Variants in NCKAP5 observed in about 807,000 individuals in gnomAD.
The protein encoded by NCKAP5 is NCK associated protein 5, also known as nck-associated protein 5.
In NCKAP5, 92 loss-of-function variants were observed where a neutral mutation model predicts 167.0. The observed-to-expected ratio is 0.55, with a 90% CI of 0.47 to 0.66. The LOEUF is 0.66. Ranked by LOEUF, NCKAP5 falls within the 30% of genes least tolerant of loss-of-function variation. NCKAP5 has a pLI of 0.00. For missense variants in NCKAP5, 2,378 were observed against 2,315.0 expected, an observed-to-expected ratio of 1.03 and a Z score of -0.56; for synonymous variants, 891 against 877.4, an observed-to-expected ratio of 1.02 and a Z score of -0.27.
intron 8 of NCKAP5, among the ~76,000 whole-genome samples, chr2:132,892,954 C>A (rs1692833631): frequency 6.9e-6 from 1 of 143,962 alleles, no homozygotes; most frequent in African/African-American, 2.6e-5. Flanking sequence ...CTGAGAATTT[C>A]TCTAGAAATA....
Position 132,782,207 on chromosome 2 carries a change from T to C in NCKAP5, c.4604A>G (p.Lys1535Arg). 6.2e-7 allele frequency: 1 copy of C among 1,613,812 alleles called. No individual in the cohort carries two copies. The highest frequency in any genetic ancestry group is 8.5e-7 in the Non-Finnish European group (1 of 1,179,874). The change falls in exon 14 of 20, where the codon AAA (lysine) becomes AGA (arginine). Residue 1535 changes from lysine (K) to arginine (R), a missense_variant. Transcript: ENST00000409261. ...TCCAAACCCCAAGACTTTTGCATCT[T>C]TCTTTTCTACTTTGGTTTTGGAGAT... ...MDISKTKVEK[K>R]DAKVLGFGNR...
chr2:133,213,763 C>T lies in NCKAP5; in HGVS notation c.160G>A (p.Ala54Thr), dbSNP rs1166948606. The T allele has an allele frequency of 4.1e-5, 66 of 1,613,646 alleles. No individual in the cohort carries two copies. The highest frequency in any genetic ancestry group is 5.4e-5 in the Non-Finnish European group (64 of 1,179,792). Reference protein sequence around the residue: ...RSLWREKLAVARLQREVAQRT... With the variant: ...RSLWREKLAVTRLQREVAQRT... ...TGGGCAACTTCTCGCTGTAGTCGGG[C>T]CACTGCCAACTTCTCCCTGAAGAAA... Residue 54 changes from alanine (A) to threonine (T), a missense_variant, in exon 5 of 20, where the codon GCC becomes ACC. Transcript: ENST00000409261.
At chr2:133,459,883 C>A (rs1474602757) in intron 3 of NCKAP5, among the ~76,000 whole-genome samples, 1 of 152,108 alleles carries the variant, frequency 6.6e-6, no homozygotes, top group Non-Finnish European at 1.5e-5. Flanking sequence ...GTGTGTAGGT[C>A]CATGTGGAAT....
At chr2:133,220,059 A>G (rs2150199747) in intron 4 of NCKAP5, among the ~76,000 whole-genome samples, 1 of 152,296 alleles carries the variant, frequency 6.6e-6, no homozygotes, top group South Asian at 2.1e-4. Context: ...CTTTGTGTAG[A>G]AAATAAAGAA....
chr2:133,051,121 A>T (rs909957300), intron 6 of NCKAP5, among the ~76,000 whole-genome samples: 2 of 152,226 alleles, frequency 1.3e-5, no homozygotes, highest in African/African-American at 4.8e-5. Flanking sequence ...TCACTTCTCT[A>T]CTGAAGAAAA....
chr2:133,160,408 C>CTTT (rs59557631), intron 5 of NCKAP5, among the ~76,000 whole-genome samples: 1 of 121,154 alleles, frequency 8.3e-6, no homozygotes, highest in African/African-American at 3.3e-5. Context: ...AGGTCACATT[C>CTTT]TTTTTTTTTT....
chr2:133,578,403 C>A, the NCKAP5 span, among the ~76,000 whole-genome samples: 3 of 152,212 alleles, frequency 2.0e-5, no homozygotes, highest in Admixed American at 6.5e-5. Context: ...TGGAACTAAC[C>A]CTGGGGAAGA....
At chr2:133,207,275 C>T (rs2085994119) in intron 5 of NCKAP5, among the ~76,000 whole-genome samples, 2 of 152,100 alleles carry the variant, frequency 1.3e-5, no homozygotes, top group Admixed American at 1.3e-4. Flanking sequence ...CTCTTTATTT[C>T]TCAGACCAAC....
chr2:133,600,697 T>C, the NCKAP5 span, among the ~76,000 whole-genome samples: 10 of 152,260 alleles, frequency 6.6e-5, no homozygotes, highest in Non-Finnish European at 1.3e-4. Flanking sequence ...GAAAGTTCTT[T>C]GCCAATGAAT....
intron 3 of NCKAP5, among the ~76,000 whole-genome samples, chr2:133,387,776 G>C (rs1375796723): frequency 2.6e-5 from 4 of 152,006 alleles, no homozygotes; most frequent in Non-Finnish European, 4.4e-5. Context: ...TTCTCTTCTT[G>C]CTTCATTTCA....
chr2:133,185,837 T>G (rs1035698851), intron 5 of NCKAP5, among the ~76,000 whole-genome samples: 1 of 152,280 alleles, frequency 6.6e-6, no homozygotes, highest in African/African-American at 2.4e-5. Context: ...TGATGTAATT[T>G]ATCAGTTCTG....
intron 6 of NCKAP5, among the ~76,000 whole-genome samples, chr2:133,064,341 G>A (rs1270653052): frequency 1.3e-5 from 2 of 152,204 alleles, no homozygotes; most frequent in Non-Finnish European, 2.9e-5. Context: ...TAAGTGCAGT[G>A]TTTGTTTCAT....
intron 6 of NCKAP5, among the ~76,000 whole-genome samples, chr2:133,031,702 C>T (rs2078886705): frequency 6.6e-6 from 1 of 152,066 alleles, no homozygotes; most frequent in African/African-American, 2.4e-5. Context: ...ACAAAAGACA[C>T]CCCTTCCTTC....
chr2:133,485,442 G>A (rs1382891148), intron 3 of NCKAP5, among the ~76,000 whole-genome samples: 2 of 152,108 alleles, frequency 1.3e-5, no homozygotes, highest in Non-Finnish European at 2.9e-5. Context: ...CCATATTTAT[G>A]AGGAAGTGTC....
At chr2:133,610,271 A>G in the NCKAP5 span, among the ~76,000 whole-genome samples, 100,386 of 152,066 alleles carry the variant, frequency 0.66, 33,704 homozygotes, top group Middle Eastern at 0.8. Flanking sequence ...CAAGTACCCC[A>G]TAGACCAGAG....
chr2:133,072,503 A>T (rs1017271709), intron 6 of NCKAP5, among the ~76,000 whole-genome samples: 4 of 150,694 alleles, frequency 2.7e-5, no homozygotes, highest in Admixed American at 2.6e-4. Flanking sequence ...CACCCACCCC[A>T]CTCCCCGATC....
intron 5 of NCKAP5, among the ~76,000 whole-genome samples, chr2:133,168,782 G>A (rs983016279): frequency 1.3e-5 from 2 of 152,052 alleles, no homozygotes; most frequent in Non-Finnish European, 2.9e-5. Flanking sequence ...ATATTTATAA[G>A]GTCACATTTG....
intron 19 of NCKAP5, among the ~76,000 whole-genome samples, chr2:132,720,161 C>T (rs1689770778): frequency 6.6e-6 from 1 of 152,176 alleles, no homozygotes; most frequent in Admixed American, 6.5e-5. Flanking sequence ...CCCGCACATG[C>T]CTTCTCTGAG....
chr2:132,929,308 A>G (rs533024330), intron 8 of NCKAP5, among the ~76,000 whole-genome samples: 1 of 152,370 alleles, frequency 6.6e-6, no homozygotes, highest in South Asian at 2.1e-4. Flanking sequence ...AAAATCACAC[A>G]AAACACTTTT....
Sources: allele counts gnomAD v4.1 joint callset (sites outside exome capture counted in the v4.1 genomes callset), GRCh38; gene constraint gnomAD v4.1.1; transcripts MANE v1.5; gene names NCBI Gene and HGNC (gene_info 2026-07-23, HGNC 2026-07-21).